ADGRG4: variants seen among roughly 807,000 people sequenced by gnomAD.
ADGRG4 encodes G protein-coupled receptor 112.
A neutral mutation model predicts 126.2 loss-of-function variants in ADGRG4; 122 were observed. That is an observed-to-expected ratio of 0.97 (90% CI 0.83 to 1.12). The LOEUF (loss-of-function observed/expected upper bound fraction) is 1.12, where lower values mean the gene tolerates loss of function less well. ADGRG4 is among the 50% of genes most tolerant of loss of function. The pLI, the probability that ADGRG4 is intolerant of heterozygous loss-of-function variation, is 0.00. For missense variants in ADGRG4, 2,481 were observed against 2,251.8 expected, an observed-to-expected ratio of 1.10 and a Z score of -2.06; for synonymous variants, 943 against 838.7, an observed-to-expected ratio of 1.12 and a Z score of -2.15.
rs774324076 is a variant in ADGRG4, at chrX:136,404,433, A to G, written c.8654+1111A>G. ...TTAGTAAGAGGCCGACTGCTCTAAT[A>G]GTTTTTTTTCAAATTATATTTTGAA... On this transcript the variant is annotated intron_variant, in intron 22 of 25. Transcript: ENST00000394143. 5.4e-5 allele frequency among the ~76,000 whole-genome samples: 6 copies of G among 112,020 alleles called. No individual in the cohort carries two copies. In the South Asian group the frequency reaches 2.3e-3, roughly 42 times the overall value.
intron 5 of ADGRG4, among the ~76,000 whole-genome samples, chrX:136,324,415 T>C (rs1435337123): frequency 1.8e-5 from 2 of 110,869 alleles, no homozygotes; most frequent in Non-Finnish European, 3.8e-5. Flanking sequence ...TATTTATGTG[T>C]TTATTTATTT....
intron 4 of ADGRG4, among the ~76,000 whole-genome samples, chrX:136,311,394 T>TACACACACAC (rs72201867): frequency 1.8e-3 from 172 of 95,637 alleles, no homozygotes; most frequent in Middle Eastern, 0.01. Flanking sequence ...TCATACCATG[T>TACACACACAC]ACACACACAC....
Position 136,345,581 on chromosome X carries a change from T to C in ADGRG4, c.1875T>C (p.Thr625=). The change falls in exon 6 of 26, where the codon ACT becomes ACC. Residue 625 remains threonine, a synonymous_variant. Transcript: ENST00000394143. The stretch of plus-strand genomic sequence containing the variant: ...GACACTTGCTTACTTTGATGTCCAC[T>C]AGATCAGCTTCCACATCCAAGGCAC... The part of the protein sequence containing the change: ...ADGHLLTLMS[T]RSASTSKAPE... 1 of 1,210,529 alleles carries C rather than the reference T, an allele frequency of 8.3e-7. No homozygotes were observed. The highest frequency in any genetic ancestry group is 1.1e-6 in the Non-Finnish European group (1 of 894,712).
At chrX:136,377,842 G>GTTTT (rs80099479) in intron 15 of ADGRG4, among the ~76,000 whole-genome samples, 1 of 96,377 alleles carries the variant, frequency 1.0e-5, no homozygotes, top group African/African-American at 3.8e-5. Flanking sequence ...TTCCTATACT[G>GTTTT]TTTTTTTTTT....
At chrX:136,329,490 G>A (rs1300597918) in intron 5 of ADGRG4, among the ~76,000 whole-genome samples, 1 of 111,685 alleles carries the variant, frequency 9.0e-6, no homozygotes, top group Non-Finnish European at 1.9e-5. Context: ...TACAGAGACA[G>A]CAAGGCTTAT....
In ADGRG4 at chrX:136,317,909, G is replaced by A. The variant is rs151076316; in HGVS notation, c.71-4869G>A. Reference sequence around the variant, plus strand: ...GAAAACAACAAGTGTTGGCTAAGATGTGGAGAAATTGGAGCCCTCATACAT... The same window carrying A: ...GAAAACAACAAGTGTTGGCTAAGATATGGAGAAATTGGAGCCCTCATACAT... On this transcript the variant is annotated intron_variant, in intron 4 of 25. Coordinates refer to ENST00000394143, the MANE Select transcript of ADGRG4 (RefSeq NM_153834.4). Among the ~76,000 whole-genome samples, 28 of 112,356 alleles carry A rather than the reference G, an allele frequency of 2.5e-4. No homozygotes were observed. In the East Asian group the frequency reaches 7.5e-3, roughly 30 times the overall value.
intron 13 of ADGRG4, among the ~76,000 whole-genome samples, chrX:136,370,997 G>C (rs1263258468): frequency 9.0e-6 from 1 of 110,904 alleles, no homozygotes; most frequent in African/African-American, 3.3e-5. Flanking sequence ...TATAAGGTGG[G>C]ATCTACTTAA....
rs1569334997 is a variant in ADGRG4 at position 136,387,720 on chromosome X, T to G, written c.7777-20T>G. 1 of 1,199,823 alleles carries G rather than the reference T, an allele frequency of 8.3e-7. No individual in the cohort carries two copies. Among genetic ancestry groups the G allele is most frequent in the Non-Finnish European group, 1.1e-6 (1 of 890,170 alleles). On this transcript the variant is annotated intron_variant, in intron 15 of 25. Coordinates refer to ENST00000394143, the MANE Select transcript of ADGRG4 (RefSeq NM_153834.4). The stretch of plus-strand genomic sequence containing the variant: ...GATGAATGAAGACTCCAATTTTCAT[T>G]TTTTGGCTTTTCTTGGCAGATTTTC...
intron 24 of ADGRG4, among the ~76,000 whole-genome samples, chrX:136,413,796 A>G (rs2148503913): frequency 9.4e-6 from 1 of 106,064 alleles, no homozygotes; most frequent in East Asian, 2.9e-4. Flanking sequence ...GCTGGAGTGC[A>G]ATGGTGCCAT....
Position 136,350,448 on chromosome X carries a change from T to C in ADGRG4, c.6727+15T>C, listed in dbSNP as rs752532216. The C allele has an allele frequency of 9.3e-6, 11 of 1,188,665 alleles. No individual in the cohort carries two copies. In the East Asian group the frequency reaches 3.0e-4, roughly 32 times the overall value. On this transcript the variant is annotated intron_variant, in intron 6 of 25. Transcript: ENST00000394143. ...CAAGTCCACAGGTACTGCTCCATAA[T>C]GCATGTGGTGTAGCCCCAACAGAAT...
Position 136,346,845 on chromosome X carries a change from G to A in ADGRG4, c.3139G>A (p.Val1047Met). 1 of 1,210,872 alleles carries A rather than the reference G, an allele frequency of 8.3e-7. No homozygotes were observed. Among genetic ancestry groups the A allele is most frequent in the Non-Finnish European group, 1.1e-6 (1 of 894,873 alleles). The change falls in exon 6 of 26, where the codon GTG (valine) becomes ATG (methionine). Residue 1047 changes from valine to methionine, a missense_variant. Physicochemically the swap from Val to Met is conservative, Grantham distance 21. Coordinates refer to ENST00000394143, the MANE Select transcript of ADGRG4 (RefSeq NM_153834.4). ...STLARAFSTS[V>M]LSDVSNLSST... ...ACTGGCCAGGGCTTTTTCTACATCT[G>A]TGCTCTCAGATGTCTCAAATCTATC...
In ADGRG4 at chrX:136,358,209, T is replaced by G. The variant is rs58813022; in HGVS notation, c.6980+453T>G. On this transcript the variant is annotated intron_variant, in intron 10 of 25. Coordinates refer to ENST00000394143, the MANE Select transcript of ADGRG4 (RefSeq NM_153834.4). The stretch of plus-strand genomic sequence containing the variant: ...TAGTCAAAAAAGGCCCATGAAGAGG[T>G]CTTTGAAATGGAGTAGAGGGTCTGT... Among the ~76,000 whole-genome samples the G allele has an allele frequency of 6.0e-3, 661 of 109,932 alleles. 6 individuals are homozygous for G. Among genetic ancestry groups the G allele is most frequent in the African/African-American group, 0.021 (626 of 30,202 alleles).
intron 6 of ADGRG4, among the ~76,000 whole-genome samples, 182 bp downstream of exon 6, chrX:136,350,615 A>G (rs1416656825): frequency 1.8e-5 from 2 of 112,078 alleles, no homozygotes; most frequent in South Asian, 3.7e-4. Context: ...TTCTCTAGCC[A>G]TCTTTCTTGT....
intron 5 of ADGRG4, among the ~76,000 whole-genome samples, chrX:136,336,142 G>A (rs1012801494): frequency 3.6e-5 from 4 of 110,646 alleles, no homozygotes; most frequent in East Asian, 5.6e-4. Flanking sequence ...TGGGTTATGC[G>A]GAAGTGTGTT....
At chrX:136,407,535 AT>A (rs1156415638) in intron 23 of ADGRG4, among the ~76,000 whole-genome samples, 2 of 111,619 alleles carry the variant, frequency 1.8e-5, no homozygotes, top group African/African-American at 6.5e-5. Flanking sequence ...TGGTTTTTGC[AT>A]TTATGTTTTA....
At chrX:136,386,986 T>G (rs2075295395) in intron 15 of ADGRG4, among the ~76,000 whole-genome samples, 1 of 111,741 alleles carries the variant, frequency 8.9e-6, no homozygotes, top group South Asian at 3.8e-4. Flanking sequence ...CCGCCTGCGG[T>G]GAGAGCCTTC....
chrX:136,332,005 T>C (rs2148456777), intron 5 of ADGRG4, among the ~76,000 whole-genome samples: 1 of 108,906 alleles, frequency 9.2e-6, no homozygotes, highest in East Asian at 2.9e-4. Flanking sequence ...TTTTTTTAAT[T>C]TTTATTTTTT....
intron 15 of ADGRG4, among the ~76,000 whole-genome samples, chrX:136,384,088 T>G (rs2075281096): frequency 9.1e-6 from 1 of 109,408 alleles, no homozygotes; most frequent in Non-Finnish European, 1.9e-5. Flanking sequence ...TTTTTTTATT[T>G]TTAGTAGAGA....
chrX:136,383,040 A>AG (rs761420676), intron 15 of ADGRG4, among the ~76,000 whole-genome samples: 298 of 111,506 alleles, frequency 2.7e-3, no homozygotes, highest in African/African-American at 9.1e-3. Flanking sequence ...TGGGAAAAAA[A>AG]GTACCATATA....
Sources: allele counts gnomAD v4.1 joint callset (sites outside exome capture counted in the v4.1 genomes callset), GRCh38; gene constraint gnomAD v4.1.1; transcripts MANE v1.5; gene names NCBI Gene and HGNC (gene_info 2026-07-23, HGNC 2026-07-21).